Variants in VWF observed in about 807,000 individuals in gnomAD.
The protein encoded by VWF is von Willebrand factor.
A neutral mutation model predicts 308.6 loss-of-function variants in VWF; 176 were observed. That is an observed-to-expected ratio of 0.57 (90% CI 0.50 to 0.65). The LOEUF (loss-of-function observed/expected upper bound fraction) is 0.65. Among genes scored for constraint, VWF ranks in the 30% least tolerant of loss-of-function variants. The pLI is 0.00. For synonymous variants in VWF, 1,385 were observed against 1,443.4 expected, an observed-to-expected ratio of 0.96 and a Z score of 0.92; for missense variants, 3,146 against 3,648.2, an observed-to-expected ratio of 0.86 and a Z score of 3.55.
At chr12:6,120,810 C>G (rs990969309) in intron 3 of VWF, among the ~76,000 whole-genome samples, 4 of 152,174 alleles carry the variant, frequency 2.6e-5, no homozygotes, top group Non-Finnish European at 5.9e-5. Context: ...CACAGGCCAC[C>G]AAGAAAACAA....
In VWF at chr12:6,095,522, A is replaced by G. The variant is rs1370961985; in HGVS notation, c.595T>C (p.Trp199Arg). Residue 199 changes from tryptophan (W) to arginine (R), a missense_variant, in exon 6 of 52, where the codon TGG (tryptophan) becomes CGG (arginine). This residue lies in a region of VWF where 1,304 missense variants were observed against 1,353.0 expected (regional missense o/e 0.96). Transcript: ENST00000261405. ...NSWALSSGEQ[W>R]CERASPPSSS... is the part of the protein sequence containing the mutation. The stretch of plus-strand genomic sequence containing the variant: ...CTGGGAGGAGATGCCCGTTCACACC[A>G]CTGTTCTCCACTGCTCAGAGCCCAT... The G allele has an allele frequency of 1.2e-6, 2 of 1,614,034 alleles. No individual in the cohort carries two copies. Among genetic ancestry groups the G allele is most frequent in the East Asian group, 4.5e-5 (2 of 44,882 alleles).
At chr12:5,964,134 G>A (rs564242185) in intron 47 of VWF, among the ~76,000 whole-genome samples, 3 of 151,778 alleles carry the variant, frequency 2.0e-5, no homozygotes, top group Non-Finnish European at 4.4e-5. Context: ...GGAGAATGGC[G>A]TGAACCTGGG....
At chr12:5,970,768 G>A (rs569252653) in intron 44 of VWF, among the ~76,000 whole-genome samples, 1 of 152,308 alleles carries the variant, frequency 6.6e-6, no homozygotes, top group South Asian at 2.1e-4. Flanking sequence ...GAAGGGAAGC[G>A]CATTGGTCTT....
In VWF at chr12:5,983,174, C is replaced by T. The variant is rs779492794; in HGVS notation, c.7057G>A (p.Glu2353Lys). ...GLQPTLTNPGECRPNFTCACR... is the reference protein window; with the variant it reads ...GLQPTLTNPGKCRPNFTCACR... The stretch of plus-strand genomic sequence containing the variant: ...CCGCAGGTGAAGTTGGGTCTGCACT[C>T]GCCAGGGTTGGTCAGTGTGGGCTGG... The change falls in exon 41 of 52, where the codon GAG becomes AAG. Residue 2353 changes from glutamate to lysine, a missense_variant. Around this residue, in one of 3 missense-constraint regions of VWF, gnomAD observed 989 missense variants for 1,117.4 expected, o/e 0.89. Transcript: ENST00000261405. 4.0e-5 allele frequency: 65 copies of T among 1,613,954 alleles called. No homozygotes were observed. Among genetic ancestry groups the T allele is most frequent in the Non-Finnish European group, 5.1e-5 (60 of 1,179,950 alleles).
rs894543803 is a variant in VWF at position 6,105,034 on chromosome 12, C to G, written c.532+5340G>C. Among the ~76,000 whole-genome samples, 4 of 152,028 alleles carry G rather than the reference C, an allele frequency of 2.6e-5. 1 individual carries two copies. Among genetic ancestry groups the G allele is most frequent in the African/African-American group, 4.8e-5 (2 of 41,372 alleles). On this transcript the variant is annotated intron_variant, in intron 5 of 51. Coordinates refer to ENST00000261405, the MANE Select transcript of VWF (RefSeq NM_000552.5). Reference sequence around the variant, plus strand: ...ACATGTTCTCACCAAAAAGTGGTTACTAAAAGATGTGTACACACAGACAGA... The same window carrying G: ...ACATGTTCTCACCAAAAAGTGGTTAGTAAAAGATGTGTACACACAGACAGA...
rs567551170 is a variant in VWF, at chr12:6,063,426, C to A, written c.1433-372G>T. Among the ~76,000 whole-genome samples the A allele has an allele frequency of 1.3e-5, 2 of 152,266 alleles. No individual in the cohort carries two copies. Among genetic ancestry groups the A allele is most frequent in the African/African-American group, 4.8e-5 (2 of 41,546 alleles). ...ATCTGAATGTGCCTGGGACACTCTG[C>A]CACTGCACACCACCTCATGTCTGAG... On this transcript the variant is annotated intron_variant, in intron 12 of 51. Coordinates refer to ENST00000261405, the MANE Select transcript of VWF (RefSeq NM_000552.5). The surrounding 1 kb of genome is among the most constrained non-coding windows in gnomAD (Gnocchi z 4.9).
intron 34 of VWF, among the ~76,000 whole-genome samples, chr12:6,002,884 A>C (rs915449703): frequency 2.6e-5 from 4 of 152,120 alleles, no homozygotes. Flanking sequence ...CCACAAAAAA[A>C]AAACAAAAAA....
intron 16 of VWF, among the ~76,000 whole-genome samples, chr12:6,051,326 C>T (rs1321993191): frequency 1.4e-5 from 2 of 142,424 alleles, no homozygotes; most frequent in Non-Finnish European, 3.0e-5. Context: ...GAGTCTCGCT[C>T]TGTCACCCAG....
At chr12:6,100,214 A>G (rs868680466) in intron 5 of VWF, among the ~76,000 whole-genome samples, 1 of 151,548 alleles carries the variant, frequency 6.6e-6, no homozygotes, top group East Asian at 1.9e-4. Flanking sequence ...ACCAGTTAGA[A>G]TGGCAATCAT....
intron 39 of VWF, 51 bp downstream of exon 39, chr12:5,985,512 G>T: frequency 6.3e-7 from 1 of 1,576,652 alleles, no homozygotes; most frequent in South Asian, 1.1e-5. Context: ...GGGGGGCCTT[G>T]CAGGGGCCCT....
chr12:6,071,860 T>A (rs1944786423), intron 9 of VWF, among the ~76,000 whole-genome samples: 1 of 152,176 alleles, frequency 6.6e-6, no homozygotes, highest in Admixed American at 6.5e-5. Flanking sequence ...CCAGGGGTGC[T>A]TCTTGAGATG....
In VWF at chr12:6,046,843, G is replaced by A; in HGVS notation, c.2187-26C>T. The A allele has an allele frequency of 6.2e-7, 1 of 1,608,264 alleles. No homozygotes were observed. Among genetic ancestry groups the A allele is most frequent in the Admixed American group, 1.7e-5 (1 of 59,988 alleles). On this transcript the variant is annotated intron_variant, in intron 16 of 51. Coordinates refer to ENST00000261405, the MANE Select transcript of VWF (RefSeq NM_000552.5). The surrounding 1 kb of genome is among the most constrained non-coding windows in gnomAD (Gnocchi z 5.0). ...CTGCAGAGAAGAAAATCATAGCCGA[G>A]CTTCACGAGACTCGTCTATACTCGC...
chr12:6,099,800 C>T (rs905334071), intron 5 of VWF, among the ~76,000 whole-genome samples: 3 of 152,050 alleles, frequency 2.0e-5, no homozygotes, highest in Non-Finnish European at 2.9e-5. Context: ...TAGAAGAAAA[C>T]CTAGGCATTA....
chr12:6,103,394 ATACACGTGTGTGTATACACACGTGTGTG>A lies in VWF; in HGVS notation c.532+6952_532+6979del, dbSNP rs1565390869. On this transcript the variant is annotated intron_variant, in intron 5 of 51. Transcript: ENST00000261405. ...TGTGTGTGTGTATACACGTGTGTGT[ATACACGTGTGTGTATACACACGTGTGTG>A]TATACACACGTGTGTATATACATAC... 5.2e-4 allele frequency among the ~76,000 whole-genome samples: 63 copies of A among 120,464 alleles called. 4 individuals carry two copies. The highest frequency in any genetic ancestry group is 2.1e-3 in the African/African-American group (46 of 21,978). 79.0% of individuals were successfully genotyped at this position (120,464 alleles called of 152,430 possible).
At position 6,060,776 on chromosome 12, in the gene VWF, G is replaced by C. The variant is rs537194837; in HGVS notation, c.1533+2178C>G. On this transcript the variant is annotated intron_variant, in intron 13 of 51. Coordinates refer to ENST00000261405, the MANE Select transcript of VWF (RefSeq NM_000552.5). The surrounding 1 kb of genome is among the most constrained non-coding windows in gnomAD (Gnocchi z 5.1). ...TGGCTTCTCTTCTCCTCAGGGGAGA[G>C]ACAAAGACCAAAGAAACCTGAGGGG... Among the ~76,000 whole-genome samples, 3 of 152,232 alleles carry C rather than the reference G, an allele frequency of 2.0e-5. No homozygotes were observed. The South Asian group carries it at 6.2e-4, about 32-fold the overall frequency.
chr12:5,970,787 A>T (rs1223199445), intron 44 of VWF, among the ~76,000 whole-genome samples: 3 of 152,210 alleles, frequency 2.0e-5, no homozygotes, highest in Non-Finnish European at 4.4e-5. Context: ...TTGCTGGGGA[A>T]GACAGAGGCA....
At position 6,026,458 on chromosome 12, in the gene VWF, T is replaced by C. The variant is rs1342773433; in HGVS notation, c.2968-412A>G. 2.0e-5 allele frequency among the ~76,000 whole-genome samples: 3 copies of C among 152,156 alleles called. No homozygotes were observed. In the South Asian group the frequency reaches 6.2e-4, roughly 32 times the overall value. ...GTAGGGGTCCAAGGAGGGAAAGTTATAGAACTGCCTGCCTCTGGGAAGGTG... is the reference window on the plus strand; with the variant it reads ...GTAGGGGTCCAAGGAGGGAAAGTTACAGAACTGCCTGCCTCTGGGAAGGTG... On this transcript the variant is annotated intron_variant, in intron 22 of 51. Coordinates refer to ENST00000261405, the MANE Select transcript of VWF (RefSeq NM_000552.5).
rs1356836169 is a variant in VWF, at chr12:6,092,673, G to GTGTGTGTGTGTGTA, written c.657+2786_657+2787insTACACACACACACA. 2.2e-3 allele frequency among the ~76,000 whole-genome samples: 276 copies of GTGTGTGTGTGTGTA among 123,616 alleles called. 22 individuals carry two copies. The highest frequency in any genetic ancestry group is 3.4e-3 in the African/African-American group (87 of 25,950). The allele number at this position is 123,616 out of a possible 152,430, so 81.1% of individuals were successfully genotyped here. A position where few individuals can be genotyped will look rare whatever the true frequency, so the allele number is the denominator to read the frequency against. On this transcript the variant is annotated intron_variant, in intron 6 of 51. Transcript: ENST00000261405. The stretch of plus-strand genomic sequence containing the variant: ...TGTGTGTGTGTGTGTGTGTGTGTGT[G>GTGTGTGTGTGTGTA]CTGACCAGCATTCCTTCCTGGTAAG...
intron 34 of VWF, among the ~76,000 whole-genome samples, chr12:5,996,683 T>C (rs1396825974): frequency 2.1e-5 from 3 of 143,002 alleles, no homozygotes; most frequent in African/African-American, 7.9e-5. Context: ...GTGACTAAGG[T>C]AATGGTACAA....
Sources: gnomAD v4.1 joint callset for allele counts (sites outside exome capture counted in the v4.1 genomes callset) on GRCh38, gnomAD v4.1.1 for gene constraint, gnomAD v4.1.1 regional missense constraint, Gnocchi (gnomAD v3.1) non-coding constraint, MANE v1.5 for transcripts, NCBI Gene and HGNC (gene_info 2026-07-23, HGNC 2026-07-21) for gene names.